Variants in HMCN1 observed in about 807,000 individuals in gnomAD.
HMCN1 encodes hemicentin 1, also known as hemicentin-1.
HMCN1 carries 321 observed loss-of-function variants against 625.9 expected under a neutral mutation model. The ratio of observed to expected loss-of-function variants is 0.51; its 90% CI spans 0.47 to 0.56. The LOEUF is 0.56. HMCN1 is among the 20% of genes least tolerant of loss of function. The pLI is 0.00. For missense variants in HMCN1, 6,588 were observed against 6,887.3 expected (o/e 0.96, Z 1.54); for synonymous variants, 2,425 against 2,417.6 (o/e 1.00, Z -0.09).
At chr1:186,176,637 A>T (rs1487163557) in intron 103 of HMCN1, among the ~76,000 whole-genome samples, 1 of 152,266 alleles carries the variant, frequency 6.6e-6, no homozygotes, top group African/African-American at 2.4e-5. Flanking sequence ...ATTGCTAAAC[A>T]GGGCAGACCA....
intron 95 of HMCN1, 148 bp downstream of exon 95, chr1:186,151,891 G>T: frequency 1.2e-6 from 1 of 802,480 alleles, no homozygotes; most frequent in Non-Finnish European, 2.0e-6. Context: ...ATGTTTTCCT[G>T]TAAACTTGTA....
intron 4 of HMCN1, among the ~76,000 whole-genome samples, chr1:185,886,845 C>T (rs550439280): frequency 2.0e-5 from 3 of 152,190 alleles, no homozygotes; most frequent in East Asian, 1.9e-4. Context: ...TTCTAAAAAC[C>T]GATTCTACTG....
chr1:185,743,977 G>GT (rs1557935699), intron 1 of HMCN1, among the ~76,000 whole-genome samples: 15 of 99,762 alleles, frequency 1.5e-4, no homozygotes, highest in African/African-American at 2.5e-4. Flanking sequence ...TGACTTTACT[G>GT]TTTTGTTTTT....
chr1:186,068,037 G>C (rs767627573), intron 50 of HMCN1, 30 bp downstream of exon 50: 2 of 1,554,896 alleles, frequency 1.3e-6, no homozygotes, highest in Non-Finnish European at 1.8e-6. Context: ...TGTCCAAGAT[G>C]CATCTGCGTC....
intron 6 of HMCN1, among the ~76,000 whole-genome samples, chr1:185,916,003 CAT>C (rs1340728765): frequency 2.6e-5 from 4 of 151,768 alleles, no homozygotes; most frequent in South Asian, 2.1e-4. Flanking sequence ...ATAAAAAAGA[CAT>C]GTGTACACTT....
At position 186,189,900 on chromosome 1, in the gene HMCN1, C is replaced by T. The variant is rs1230122939; in HGVS notation, c.*22C>T. On this transcript the variant is annotated 3_prime_UTR_variant, in exon 107 of 107. Coordinates refer to ENST00000271588, the MANE Select transcript of HMCN1 (RefSeq NM_031935.3). ...CTAAGGAACTCTCCAAAGCCTATTC[C>T]ACATATTTAAACCGCATTAATCATG... 4 of 1,612,076 alleles carry T rather than the reference C, an allele frequency of 2.5e-6. No individual in the cohort carries two copies. The highest frequency in any genetic ancestry group is 2.5e-6 in the Non-Finnish European group (3 of 1,179,318).
chr1:185,807,626 A>G (rs560804850), intron 1 of HMCN1, among the ~76,000 whole-genome samples: 1 of 152,290 alleles, frequency 6.6e-6, no homozygotes, highest in South Asian at 2.1e-4. Context: ...TTTTGGTGTT[A>G]AGATTCAAAA....
At chr1:186,062,991 G>A (rs1207941813) in intron 48 of HMCN1, among the ~76,000 whole-genome samples, 3 of 146,212 alleles carry the variant, frequency 2.1e-5, no homozygotes, top group Non-Finnish European at 4.5e-5. Flanking sequence ...TGCTGCAAAA[G>A]ACATGATTTC....
At chr1:186,130,168 T>A (rs1304889562) in intron 84 of HMCN1, 68 bp downstream of exon 84, 1 of 1,593,378 alleles carries the variant, frequency 6.3e-7, no homozygotes. Flanking sequence ...TTTGCTTCTT[T>A]ATTTTATGGT....
chr1:185,832,034 G>C (rs768769201), intron 1 of HMCN1, among the ~76,000 whole-genome samples: 1 of 152,164 alleles, frequency 6.6e-6, no homozygotes. Flanking sequence ...GGTGGCTCAC[G>C]CCTATAATTC....
At chr1:186,102,485 T>C (rs1660427214) in intron 68 of HMCN1, among the ~76,000 whole-genome samples, 1 of 151,964 alleles carries the variant, frequency 6.6e-6, no homozygotes, top group Non-Finnish European at 1.5e-5. Flanking sequence ...CACAAAAAAG[T>C]GTATAATGTA....
chr1:185,944,172 AG>A (rs1429341963), intron 11 of HMCN1, among the ~76,000 whole-genome samples: 1 of 152,112 alleles, frequency 6.6e-6, no homozygotes, highest in Non-Finnish European at 1.5e-5. Flanking sequence ...GAAAAAAAAA[AG>A]AAAATAAATG....
At chr1:185,890,094 G>A (rs1558043051) in intron 4 of HMCN1, among the ~76,000 whole-genome samples, 1 of 151,836 alleles carries the variant, frequency 6.6e-6, no homozygotes, top group Admixed American at 6.5e-5. Flanking sequence ...TAGTTTATTA[G>A]CTTAGAGGTG....
At chr1:186,118,913 A>C (rs1661257430) in intron 77 of HMCN1, among the ~76,000 whole-genome samples, 1 of 152,196 alleles carries the variant, frequency 6.6e-6, no homozygotes, top group Non-Finnish European at 1.5e-5. Context: ...GAAATATTCT[A>C]AAATTAGATT....
Position 186,117,529 on chromosome 1 carries a change from C to T in HMCN1, c.11754C>T (p.Cys3918=), listed in dbSNP as rs940287057. ...AACATGCCCCAGCAGTAATTACCTG[C>T]ACTGCTTCGGGAGTTCCATTTCCCT... ...VTKHAPAVIT[C]TASGVPFPSI... Residue 3918 remains cysteine, a synonymous_variant, in exon 77 of 107, where the codon TGC becomes TGT. Transcript: ENST00000271588. The T allele has an allele frequency of 6.2e-7, 1 of 1,613,434 alleles. No individual in the cohort carries two copies. Among genetic ancestry groups the T allele is most frequent in the South Asian group, 1.1e-5 (1 of 91,062 alleles).
chr1:186,044,162 T>A (rs1455139887), intron 40 of HMCN1, among the ~76,000 whole-genome samples: 1 of 152,206 alleles, frequency 6.6e-6, no homozygotes, highest in Non-Finnish European at 1.5e-5. Flanking sequence ...AGAATAATCA[T>A]GTATCTTTTA....
chr1:185,916,839 G>A (rs558819712), intron 6 of HMCN1, among the ~76,000 whole-genome samples: 42 of 152,216 alleles, frequency 2.8e-4, no homozygotes, highest in South Asian at 1.2e-3. Context: ...AGTCACTCAG[G>A]AACCCAAGCT....
rs149869442 is a variant in HMCN1, at chr1:185,832,085, C to T, written c.269-13941C>T. ...CTGAGGCAGGTGGATCTCTTGAGGT[C>T]GGAAGTTCGAGACCAGCCTGGCCAA... is the stretch of plus-strand genomic sequence containing the variant. On this transcript the variant is annotated intron_variant, in intron 1 of 106. Coordinates refer to ENST00000271588, the MANE Select transcript of HMCN1 (RefSeq NM_031935.3). Among the ~76,000 whole-genome samples, 145 of 152,140 alleles carry T rather than the reference C, an allele frequency of 9.5e-4. 1 individual carries two copies. Among genetic ancestry groups the T allele is most frequent in the Admixed American group, 2.6e-3 (39 of 15,280 alleles).
chr1:186,155,074 T>C (rs990109015), intron 97 of HMCN1, among the ~76,000 whole-genome samples: 4 of 152,256 alleles, frequency 2.6e-5, no homozygotes, highest in Non-Finnish European at 2.9e-5. Flanking sequence ...CCAGCTTTCC[T>C]AAAATAGAGC....
Sources: gnomAD v4.1 joint callset for allele counts (sites outside exome capture counted in the v4.1 genomes callset) on GRCh38, gnomAD v4.1.1 for gene constraint, MANE v1.5 for transcripts, NCBI Gene and HGNC (gene_info 2026-07-23, HGNC 2026-07-21) for gene names.